MGST1: variants seen among roughly 807,000 people sequenced by gnomAD.
MGST1 encodes glutathione S-transferase 12.
A neutral mutation model predicts 8.9 loss-of-function variants in MGST1; 5 were observed. The ratio of observed to expected loss-of-function variants is 0.56; its 90% CI spans 0.29 to 1.19. The LOEUF (loss-of-function observed/expected upper bound fraction) is 1.19. Among genes scored for constraint, MGST1 ranks in the 50% most tolerant of loss-of-function variants. MGST1 has a pLI of 0.08. For missense variants in MGST1, 182 were observed against 187.4 expected, an observed-to-expected ratio of 0.97 and a Z score of 0.17; for synonymous variants, 54 against 67.8, an observed-to-expected ratio of 0.80 and a Z score of 1.00.
In MGST1 at chr12:16,498,106, G is replaced by T. The variant is rs142610829; in HGVS notation, n.483-91422G>T. Among the ~76,000 whole-genome samples the T allele has an allele frequency of 1.6e-4, 24 of 152,238 alleles. No homozygotes were observed. In the East Asian group the frequency reaches 3.9e-3, roughly 24 times the overall value. The stretch of plus-strand genomic sequence containing the variant: ...TCCATCATAACATATCATTGTGAAG[G>T]ATTCCAATGTACTTTCAAATAAAAG... On this transcript the variant is annotated intron_variant and non_coding_transcript_variant, in intron 4 of 4. Transcript: ENST00000538857.
At chr12:16,522,000 A>G (rs891605859) in intron 4 of MGST1, among the ~76,000 whole-genome samples, 2 of 152,112 alleles carry the variant, frequency 1.3e-5, no homozygotes, top group African/African-American at 4.8e-5. Flanking sequence ...TGCAGCTCCG[A>G]CTTCTGAACA....
rs1030224553 is a variant in MGST1, at chr12:16,413,247, T to C, written n.779-24141T>C. Among the ~76,000 whole-genome samples the C allele has an allele frequency of 6.6e-6, 1 of 152,216 alleles. No individual in the cohort carries two copies. Among genetic ancestry groups the C allele is most frequent in the Admixed American group, 6.5e-5 (1 of 15,272 alleles). On this transcript the variant is annotated intron_variant and non_coding_transcript_variant, in intron 1 of 1. Transcript: ENST00000359720. This position sits in a 1 kb window ranked among gnomAD's most constrained non-coding sequence, Gnocchi z 4.0. ...TATCTACGGATGCTGTGTTGCCATTTGGGCAACCACCACATACCACTTGTG... is the reference window on the plus strand; with the variant it reads ...TATCTACGGATGCTGTGTTGCCATTCGGGCAACCACCACATACCACTTGTG...
At chr12:16,488,155 A>T (rs1187017025) in intron 4 of MGST1, among the ~76,000 whole-genome samples, 1 of 152,202 alleles carries the variant, frequency 6.6e-6, no homozygotes, top group Non-Finnish European at 1.5e-5. Context: ...TGTGAAGTTG[A>T]ATTAGGAGAA....
intron 3 of MGST1, among the ~76,000 whole-genome samples, chr12:16,375,472 TA>T (rs1369638344): frequency 1.3e-5 from 2 of 152,088 alleles, no homozygotes; most frequent in Admixed American, 1.3e-4. Context: ...GAAGTGGTCT[TA>T]AAATGTAACA....
rs150998966 is a variant in MGST1, at chr12:16,396,791, A to T, written n.778+13187A>T. Among the ~76,000 whole-genome samples, 3 of 152,290 alleles carry T rather than the reference A, an allele frequency of 2.0e-5. No individual in the cohort carries two copies. In the East Asian group the frequency reaches 5.8e-4, roughly 29 times the overall value. On this transcript the variant is annotated intron_variant and non_coding_transcript_variant, in intron 1 of 1. Coordinates refer to the MGST1 transcript ENST00000359720. ...AATGCTGAAAGAATTCATAGCTAACACAAACAAATGGAAATACATCCCATG... is the reference window on the plus strand; with the variant it reads ...AATGCTGAAAGAATTCATAGCTAACTCAAACAAATGGAAATACATCCCATG...
At chr12:16,408,030 C>CAAAAAAAAAAAAAAAAAAAAAAAAA (rs200073692) in intron 1 of MGST1, among the ~76,000 whole-genome samples, 3 of 44,096 alleles carry the variant, frequency 6.8e-5, no homozygotes, top group African/African-American at 1.6e-4. Context: ...GACTCTGTCT[C>CAAAAAAAAAAAAAAAAAAAAAAAAA]AAAAAAAAAA....
rs770717125 is a variant in MGST1, at chr12:16,586,720, TG to T, written n.483-2807del. The stretch of plus-strand genomic sequence containing the variant: ...TTTGACCCCCCATTGCAGTAGATGA[TG>T]TTTTTTTCCATTTCTCTGGTACTTG... On this transcript the variant is annotated intron_variant and non_coding_transcript_variant, in intron 4 of 4. Coordinates refer to the MGST1 transcript ENST00000538857. The surrounding 1 kb of genome is among the most constrained non-coding windows in gnomAD (Gnocchi z 4.3). 1.3e-5 allele frequency among the ~76,000 whole-genome samples: 2 copies of T among 152,178 alleles called. No homozygotes were observed. Among genetic ancestry groups the T allele is most frequent in the African/African-American group, 2.4e-5 (1 of 41,450 alleles).
chr12:16,468,771 C>G (rs1345817665), intron 4 of MGST1, among the ~76,000 whole-genome samples: 1 of 152,198 alleles, frequency 6.6e-6, no homozygotes, highest in Admixed American at 6.5e-5. Flanking sequence ...TTCACCCCTT[C>G]CTATAGGAAT....
At chr12:16,469,595 A>C (rs1200723272) in intron 4 of MGST1, among the ~76,000 whole-genome samples, 1 of 152,184 alleles carries the variant, frequency 6.6e-6, no homozygotes, top group Non-Finnish European at 1.5e-5. Context: ...ACTTAAAGGC[A>C]TTTGTGGCTA....
At chr12:16,565,521 T>G (rs559992276) in intron 4 of MGST1, among the ~76,000 whole-genome samples, 8 of 152,290 alleles carry the variant, frequency 5.3e-5, no homozygotes, top group African/African-American at 1.7e-4. Context: ...TCCACTGTCA[T>G]AGAGATAAAT....
At chr12:16,535,288 G>A (rs1169539068) in intron 4 of MGST1, among the ~76,000 whole-genome samples, 1 of 152,200 alleles carries the variant, frequency 6.6e-6, no homozygotes, top group South Asian at 2.1e-4. Context: ...CAATGAACAA[G>A]TGGCCTCCGC....
intron 4 of MGST1, among the ~76,000 whole-genome samples, chr12:16,532,308 G>T (rs1436185256): frequency 6.6e-6 from 1 of 152,014 alleles, no homozygotes; most frequent in Non-Finnish European, 1.5e-5. Context: ...CATAAAAAAC[G>T]CCAAGGCCAG....
Position 16,458,387 on chromosome 12 carries a change from T to G in MGST1, n.482+74783T>G, listed in dbSNP as rs1000615008. Among the ~76,000 whole-genome samples, 3 of 152,014 alleles carry G rather than the reference T, an allele frequency of 2.0e-5. No individual in the cohort carries two copies. Among genetic ancestry groups the G allele is most frequent in the African/African-American group, 4.8e-5 (2 of 41,438 alleles). ...GATCTCTCCTTCTGAAAGTTGTAAT[T>G]GAGCATAGATGTTGGACCCAGAGTT... On this transcript the variant is annotated intron_variant and non_coding_transcript_variant, in intron 4 of 4. Coordinates refer to the MGST1 transcript ENST00000538857. The surrounding 1 kb of genome is among the most constrained non-coding windows in gnomAD (Gnocchi z 4.0).
intron 4 of MGST1, among the ~76,000 whole-genome samples, chr12:16,468,397 C>CATT (rs57171766): frequency 0.97 from 148,223 of 152,238 alleles, 72,272 homozygotes; most frequent in Middle Eastern, 1. Flanking sequence ...TATCGGGTCT[C>CATT]GTTGTTGGAT....
chr12:16,589,667 CCAAG>C (rs1464884149), downstream of MGST1: 26 of 151,942 alleles, frequency 1.7e-4, no homozygotes, highest in African/African-American at 6.3e-4. The surrounding 1 kb of genome is among the most constrained non-coding windows in gnomAD (Gnocchi z 4.2). Flanking sequence ...TATTTAAACA[CCAAG>C]CAAACTATCA....
Position 16,363,619 on chromosome 12 carries a change from C to A in MGST1, c.222-176C>A. 2.2e-6 allele frequency: 1 copy of A among 453,360 alleles called. No individual in the cohort carries two copies. The allele number at this position is 453,360 out of a possible 1,614,324, so 28.1% of individuals were successfully genotyped here. ...AAAGAAACAGAAATAATGAGAGATT[C>A]TAAATAAAAGTCAAGTGGGCAAGGA... On this transcript the variant is annotated intron_variant, in intron 3 of 3. Coordinates refer to ENST00000396210, the MANE Select transcript of MGST1 (RefSeq NM_020300.5). This position sits in a 1 kb window ranked among gnomAD's most constrained non-coding sequence, Gnocchi z 4.6.
At chr12:16,371,982 T>A (rs1263182352) in intron 3 of MGST1, among the ~76,000 whole-genome samples, 1 of 152,038 alleles carries the variant, frequency 6.6e-6, no homozygotes, top group African/African-American at 2.4e-5. Context: ...GATCTCCACG[T>A]GCAGAAAAAG....
intron 4 of MGST1, among the ~76,000 whole-genome samples, chr12:16,534,224 T>A (rs1258494423): frequency 6.6e-6 from 1 of 152,250 alleles, no homozygotes; most frequent in Non-Finnish European, 1.5e-5. Context: ...CAATAACCTT[T>A]ATGTAGTAAA....
At chr12:16,472,471 C>A (rs1227807896) in intron 4 of MGST1, among the ~76,000 whole-genome samples, 2 of 148,640 alleles carry the variant, frequency 1.3e-5, no homozygotes, top group African/African-American at 2.5e-5. Context: ...GTTGGTGTGA[C>A]TATTAACGCC....
Sources: gnomAD v4.1 joint callset for allele counts (sites outside exome capture counted in the v4.1 genomes callset) on GRCh38, gnomAD v4.1.1 for gene constraint, Gnocchi (gnomAD v3.1) non-coding constraint, MANE v1.5 for transcripts, NCBI Gene and HGNC (gene_info 2026-07-23, HGNC 2026-07-21) for gene names.